Variants in NRXN2 observed in about 807,000 individuals in gnomAD.
NRXN2 encodes neurexin 2, also known as neurexin-2-beta.
Under a neutral mutation model 128.8 loss-of-function variants are expected in NRXN2, and 29 were observed. That is an observed-to-expected ratio of 0.23 (90% CI 0.17 to 0.31). The LOEUF (loss-of-function observed/expected upper bound fraction) is 0.31, where lower values mean the gene tolerates loss of function less well. Ranked by LOEUF, NRXN2 falls within the 10% of genes least tolerant of loss-of-function variation. The pLI, the probability that NRXN2 is intolerant of heterozygous loss-of-function variation, is 1.00. For missense variants in NRXN2, 1,881 were observed against 2,452.6 expected (o/e 0.77, Z 4.92); for synonymous variants, 1,098 against 1,075.2 (o/e 1.02, Z -0.41).
At chr11:64,716,994 C>A (rs1389493103) in intron 1 of NRXN2, among the ~76,000 whole-genome samples, 5 of 152,122 alleles carry the variant, frequency 3.3e-5, no homozygotes, top group Non-Finnish European at 5.9e-5. Flanking sequence ...CCAACCCACC[C>A]TTCTCCCAGA....
At chr11:64,718,335 C>T (rs998130227) in intron 1 of NRXN2, among the ~76,000 whole-genome samples, 6 of 152,156 alleles carry the variant, frequency 3.9e-5, no homozygotes, top group Non-Finnish European at 7.4e-5. Context: ...ATGGGGATGC[C>T]GGCCTCCCTC....
chr11:64,699,380 T>C (rs1393957693), intron 2 of NRXN2, among the ~76,000 whole-genome samples: 1 of 150,626 alleles, frequency 6.6e-6, no homozygotes, highest in Non-Finnish European at 1.5e-5. Context: ...GAGCTGCTTC[T>C]ACCTGACAGC....
intron 7 of NRXN2, among the ~76,000 whole-genome samples, chr11:64,670,475 G>GT (rs2050489010): frequency 6.6e-6 from 1 of 152,108 alleles, no homozygotes; most frequent in African/African-American, 2.4e-5. Flanking sequence ...CAGGGAGTGG[G>GT]TAATAGGCTG....
At chr11:64,690,383 G>A in intron 5 of NRXN2, 22 bp downstream of exon 5, 1 of 1,606,844 alleles carries the variant, frequency 6.2e-7, no homozygotes, top group Non-Finnish European at 8.5e-7. Flanking sequence ...TGGGCTCTCT[G>A]GGGACCATGG....
intron 11 of NRXN2, among the ~76,000 whole-genome samples, chr11:64,657,174 G>A (rs180969441): frequency 3.9e-5 from 6 of 152,302 alleles, no homozygotes; most frequent in Admixed American, 3.3e-4. Flanking sequence ...TGGGGCCTTG[G>A]TGTTGCTGCC....
rs776114680 is a variant in NRXN2, at chr11:64,607,257, G to A, written c.5078C>T (p.Pro1693Leu). The A allele has an allele frequency of 3.7e-6, 6 of 1,613,794 alleles. No homozygotes were observed. The highest frequency in any genetic ancestry group is 1.3e-5 in the African/African-American group (1 of 74,870). Residue 1693 changes from proline to leucine, a missense_variant, in exon 23 of 23, where the codon CCG (proline) becomes CTG (leucine). Pro to Leu is a moderately conservative substitution (Grantham distance 98). Around this residue, in one of 7 missense-constraint regions of NRXN2, gnomAD observed 63 missense variants for 76.0 expected, o/e 0.83. Transcript: ENST00000265459. The part of the protein sequence containing the change: ...SNGAVVKEKA[P>L]AAPKTPSKAK... The stretch of plus-strand genomic sequence containing the variant: ...CTTGCTGGGCGTCTTGGGGGCAGCC[G>A]GGGCCTTCTCTTTCACCACCGCCCC...
Position 64,649,194 on chromosome 11 carries a change from C to T in NRXN2, c.3110-287G>A, listed in dbSNP as rs372384835. On this transcript the variant is annotated intron_variant, in intron 15 of 22. Transcript: ENST00000265459. The stretch of plus-strand genomic sequence containing the variant: ...AACCTGCTCTGTGCTCTCTCCCACA[C>T]ATTTGATTCCAGTTCCGGCCCGTAA... Among the ~76,000 whole-genome samples the T allele has an allele frequency of 1.4e-3, 218 of 152,336 alleles. 5 individuals are homozygous for T. The South Asian group carries it at 0.015, about 10-fold the overall frequency.
At chr11:64,679,811 C>A (rs1221293258) in intron 6 of NRXN2, among the ~76,000 whole-genome samples, 1 of 152,126 alleles carries the variant, frequency 6.6e-6, no homozygotes, top group Non-Finnish European at 1.5e-5. Flanking sequence ...CAATGGAGAT[C>A]ATGTTTATGG....
At chr11:64,611,899 A>C (rs1189051287) in intron 22 of NRXN2, among the ~76,000 whole-genome samples, 234 of 107,730 alleles carry the variant, frequency 2.2e-3, no homozygotes, top group South Asian at 6.6e-3. Context: ...CCTCACCCAC[A>C]CCCCCCCACA....
rs184686974 is a variant in NRXN2, at chr11:64,663,091, C to T, written c.1799-1952G>A. On this transcript the variant is annotated intron_variant, in intron 9 of 22. Transcript: ENST00000265459. ...CTCTGCTCAAAACCTCACCTGAGGC[C>T]GGGCGCAATGGCTCACACGTGTAAT... 1.1e-4 allele frequency among the ~76,000 whole-genome samples: 17 copies of T among 152,064 alleles called. No homozygotes were observed. In the East Asian group the frequency reaches 1.7e-3, roughly 16 times the overall value.
chr11:64,625,865 A>G lies in NRXN2; in HGVS notation c.3847+598T>C, dbSNP rs577297550. Among the ~76,000 whole-genome samples the G allele has an allele frequency of 1.3e-3, 205 of 152,284 alleles. 2 individuals are homozygous for G. Among genetic ancestry groups the G allele is most frequent in the Non-Finnish European group, 2.2e-4 (15 of 68,014 alleles). On this transcript the variant is annotated intron_variant, in intron 20 of 22. Coordinates refer to ENST00000265459, the MANE Select transcript of NRXN2 (RefSeq NM_015080.4). The stretch of plus-strand genomic sequence containing the variant: ...CCTTAGTCTCTCCTCAACTTCTCAG[A>G]GGCCTTCTGGACTAACCTGGGCTTG...
chr11:64,668,634 C>A, intron 7 of NRXN2, 30 bp from the exon 8 acceptor site: 1 of 1,611,630 alleles, frequency 6.2e-7, no homozygotes. Flanking sequence ...GGGAGAAAGA[C>A]AGGAGACAAC....
intron 6 of NRXN2, among the ~76,000 whole-genome samples, chr11:64,679,918 G>T (rs2051954083): frequency 6.6e-6 from 1 of 152,162 alleles, no homozygotes; most frequent in Non-Finnish European, 1.5e-5. Flanking sequence ...AGCAGCCCAG[G>T]CCTTCCCTAT....
At chr11:64,670,452 G>T (rs952673907) in intron 7 of NRXN2, among the ~76,000 whole-genome samples, 7 of 152,106 alleles carry the variant, frequency 4.6e-5, no homozygotes, top group Non-Finnish European at 8.8e-5. Context: ...GGGATGAAAG[G>T]TCAGGGATAA....
Position 64,607,632 on chromosome 11 carries a change from C to G in NRXN2, c.4703G>C (p.Arg1568Pro). ...CTCCAGCAAGGGCTGAAGCGGGTCTCGGTGGTTCATTTTGCCCGCCGGCAG... is the reference window on the plus strand; with the variant it reads ...CTCCAGCAAGGGCTGAAGCGGGTCTGGGTGGTTCATTTTGCCCGCCGGCAG... ...PNLPAGKMNH[R>P]DPLQPLLENP... The change falls in exon 23 of 23, where the codon CGA (arginine) becomes CCA (proline). Residue 1568 changes from arginine (R) to proline (P), a missense_variant. Arg to Pro is a moderately radical substitution (Grantham distance 103). Transcript: ENST00000265459. 1 of 1,531,800 alleles carries G rather than the reference C, an allele frequency of 6.5e-7. No homozygotes were observed. The highest frequency in any genetic ancestry group is 1.2e-5 in the South Asian group (1 of 83,846). 94.9% of individuals were successfully genotyped at this position (1,531,800 alleles called of 1,614,324 possible). A position where few individuals can be genotyped will look rare whatever the true frequency, so the allele number is the denominator to read the frequency against.
At chr11:64,716,864 C>T (rs953659196) in intron 1 of NRXN2, among the ~76,000 whole-genome samples, 2 of 152,198 alleles carry the variant, frequency 1.3e-5, no homozygotes, top group Admixed American at 6.5e-5. Context: ...AGTGAGCCAG[C>T]GGACACCTGG....
chr11:64,659,887 G>C (rs1480120528), intron 11 of NRXN2, among the ~76,000 whole-genome samples: 1 of 152,176 alleles, frequency 6.6e-6, no homozygotes, highest in Admixed American at 6.5e-5. Context: ...CATGGACCAG[G>C]CCTTCCTCAT....
intron 8 of NRXN2, 44 bp downstream of exon 8, chr11:64,668,399 A>G: frequency 6.2e-7 from 1 of 1,608,902 alleles, no homozygotes; most frequent in Admixed American, 1.7e-5. Flanking sequence ...ACAGGAGACA[A>G]AGGGCTCCTG....
At position 64,631,838 on chromosome 11, in the gene NRXN2, CCT is replaced by C. The variant is rs370052631; in HGVS notation, c.3586-1267_3586-1266del. On this transcript the variant is annotated intron_variant, in intron 18 of 22. Coordinates refer to ENST00000265459, the MANE Select transcript of NRXN2 (RefSeq NM_015080.4). The surrounding 1 kb of genome is among the most constrained non-coding windows in gnomAD (Gnocchi z 4.8). ...GCCCATTAGGTACTAAGCCTGAGCCCCTGTTTCACTTCCCTGCACCTCCCAGC... is the reference window on the plus strand; with the variant it reads ...GCCCATTAGGTACTAAGCCTGAGCCCGTTTCACTTCCCTGCACCTCCCAGC... Among the ~76,000 whole-genome samples the C allele has an allele frequency of 1.2e-4, 18 of 152,236 alleles. No individual in the cohort carries two copies. Among genetic ancestry groups the C allele is most frequent in the Admixed American group, 7.8e-4 (12 of 15,300 alleles).
Sources: allele counts gnomAD v4.1 joint callset (sites outside exome capture counted in the v4.1 genomes callset), GRCh38; gene constraint gnomAD v4.1.1; regional missense constraint gnomAD v4.1.1; non-coding constraint Gnocchi (gnomAD v3.1); transcripts MANE v1.5; gene names NCBI Gene and HGNC (gene_info 2026-07-23, HGNC 2026-07-21).